MTPN: variants seen among roughly 807,000 people sequenced by gnomAD.
MTPN encodes myotrophin.
Under a neutral mutation model 13.5 loss-of-function variants are expected in MTPN, and 2 were observed. The observed-to-expected ratio is 0.15, with a 90% CI of 0.06 to 0.47. The LOEUF is 0.47. MTPN is among the 20% of genes least tolerant of loss of function. The pLI is 0.97. For synonymous variants in MTPN, 46 were observed against 51.7 expected (o/e 0.89, Z 0.48); for missense variants, 79 against 137.9 (o/e 0.57, Z 2.14).
rs56865854 is a variant in MTPN at position 135,933,098 on chromosome 7, C to CAAAAA, written c.271-3091_271-3087dup. Among the ~76,000 whole-genome samples the CAAAAA allele has an allele frequency of 2.4e-3, 151 of 63,024 alleles. 3 individuals are homozygous for CAAAAA. The highest frequency in any genetic ancestry group is 3.7e-3 in the African/African-American group (60 of 16,184). The allele number at this position is 63,024 out of a possible 152,430, so 41.3% of individuals were successfully genotyped here. On this transcript the variant is annotated intron_variant, in intron 3 of 3. Transcript: ENST00000393085. ...CAACTGAGCAAGACTCACTCAGCCT[C>CAAAAA]AAAAAAAAAAAAAAAAAAAAAAAAG...
chr7:135,941,842 T>C (rs1799214764), intron 3 of MTPN, among the ~76,000 whole-genome samples: 2 of 151,822 alleles, frequency 1.3e-5, no homozygotes, highest in African/African-American at 4.8e-5. Flanking sequence ...TTCAAATTAC[T>C]CCTCTTCAAG....
chr7:135,963,530 A>G (rs967812546), intron 1 of MTPN, among the ~76,000 whole-genome samples: 3 of 152,062 alleles, frequency 2.0e-5, no homozygotes, highest in Non-Finnish European at 2.9e-5. Flanking sequence ...TACAATACAG[A>G]AAAACAGACA....
intron 1 of MTPN, among the ~76,000 whole-genome samples, chr7:135,955,548 C>T (rs1018248786): frequency 6.6e-6 from 1 of 152,060 alleles, no homozygotes; most frequent in Non-Finnish European, 1.5e-5. Context: ...AAAATGGAAG[C>T]GATGGGATGT....
Position 135,927,538 on chromosome 7 carries a change from C to A in MTPN, c.*2388G>T. ...AAACTTACTTAACCTTTCGCTAATG[C>A]ATGTAGTACCAGAAAGCAAACATGG... On this transcript the variant is annotated 3_prime_UTR_variant, in exon 4 of 4. Transcript: ENST00000393085. 3.8e-6 allele frequency: 3 copies of A among 799,508 alleles called. No homozygotes were observed. The highest frequency in any genetic ancestry group is 6.2e-6 in the Non-Finnish European group (3 of 485,510). 49.5% of individuals were successfully genotyped at this position (799,508 alleles called of 1,614,324 possible). A position where few individuals can be genotyped will look rare whatever the true frequency, so the allele number is the denominator to read the frequency against.
intron 1 of MTPN, among the ~76,000 whole-genome samples, chr7:135,963,032 T>C (rs1445911210): frequency 6.6e-6 from 1 of 152,018 alleles, no homozygotes; most frequent in Non-Finnish European, 1.5e-5. Context: ...GTAGACTAAA[T>C]TAGCATATGT....
rs1355541584 is a variant in MTPN, at chr7:135,977,257, G to C, written c.-157C>G. On this transcript the variant is annotated 5_prime_UTR_variant, in exon 1 of 4. Transcript: ENST00000393085. ...GGCTGCCAGGCGGGCGAGGCAGTTG[G>C]CCGCGGCGACCGTTCGGGCGGGAGA... The C allele has an allele frequency of 1.4e-6, 1 of 727,882 alleles. No homozygotes were observed. The highest frequency in any genetic ancestry group is 2.3e-6 in the Non-Finnish European group (1 of 428,000). The allele number at this position is 727,882 out of a possible 1,614,324, so 45.1% of individuals were successfully genotyped here. A position where few individuals can be genotyped will look rare whatever the true frequency, so the allele number is the denominator to read the frequency against.
chr7:135,969,820 T>C (rs569150345), intron 1 of MTPN, among the ~76,000 whole-genome samples: 2 of 152,302 alleles, frequency 1.3e-5, no homozygotes, highest in East Asian at 1.9e-4. Flanking sequence ...CCCTAATTTA[T>C]AGAGTTTATA....
Position 135,977,183 on chromosome 7 carries a change from G to C in MTPN, c.-83C>G, listed in dbSNP as rs1415503486. The C allele has an allele frequency of 7.1e-7, 1 of 1,405,022 alleles. No homozygotes were observed. The highest frequency in any genetic ancestry group is 1.0e-6 in the Non-Finnish European group (1 of 994,252). 87.0% of individuals were successfully genotyped at this position (1,405,022 alleles called of 1,614,324 possible). Reference sequence around the variant, plus strand: ...CAAGCGGATGCCGCCGGGCGAGAGGGAGGCAGGGCCGCGCGAAGCCGGAGA... The same window carrying C: ...CAAGCGGATGCCGCCGGGCGAGAGGCAGGCAGGGCCGCGCGAAGCCGGAGA... On this transcript the variant is annotated 5_prime_UTR_variant, in exon 1 of 4. Coordinates refer to ENST00000393085, the MANE Select transcript of MTPN (RefSeq NM_145808.4).
intron 1 of MTPN, among the ~76,000 whole-genome samples, chr7:135,951,969 T>G (rs1478509831): frequency 6.6e-6 from 1 of 152,236 alleles, no homozygotes; most frequent in Non-Finnish European, 1.5e-5. Flanking sequence ...GCACTGAGAT[T>G]TTACACAGTT....
At chr7:135,961,397 T>G (rs2116393885) in intron 1 of MTPN, among the ~76,000 whole-genome samples, 1 of 152,106 alleles carries the variant, frequency 6.6e-6, no homozygotes, top group Admixed American at 6.6e-5. Flanking sequence ...AAAATCACAT[T>G]AACACCAAAA....
intron 1 of MTPN, 89 bp downstream of exon 1, chr7:135,976,940 C>G (rs1799783782): frequency 2.6e-6 from 2 of 778,940 alleles, no homozygotes; most frequent in Non-Finnish European, 4.5e-6. Flanking sequence ...CGCCCACCCC[C>G]ATCCCCGCAG....
intron 3 of MTPN, among the ~76,000 whole-genome samples, chr7:135,940,457 G>A (rs777602524): frequency 1.3e-5 from 2 of 152,112 alleles, no homozygotes; most frequent in Non-Finnish European, 2.9e-5. Context: ...ACAAAACACA[G>A]TGATTGTTAC....
chr7:135,929,233 A>C lies in MTPN; in HGVS notation c.*693T>G, dbSNP rs1482075490. On this transcript the variant is annotated 3_prime_UTR_variant, in exon 4 of 4. Coordinates refer to ENST00000393085, the MANE Select transcript of MTPN (RefSeq NM_145808.4). ...TTTCTCCTTTAGACTTCCAAAACTT[A>C]AGATTTTATAAATAAAACTAGTCAG... is the stretch of plus-strand genomic sequence containing the variant. 1 of 167,088 alleles carries C rather than the reference A, an allele frequency of 6.0e-6. No homozygotes were observed. The highest frequency in any genetic ancestry group is 2.4e-5 in the African/African-American group (1 of 41,458). The allele number at this position is 167,088 out of a possible 1,614,324, so 10.4% of individuals were successfully genotyped here.
Position 135,929,839 on chromosome 7 carries a change from C to G in MTPN, c.*87G>C. ...CTCTTAAAGTATTTAGCTGAAGAAGCTGGCAGATAGAGAGTGACAGACAGA... is the reference window on the plus strand; with the variant it reads ...CTCTTAAAGTATTTAGCTGAAGAAGGTGGCAGATAGAGAGTGACAGACAGA... On this transcript the variant is annotated 3_prime_UTR_variant, in exon 4 of 4. Coordinates refer to ENST00000393085, the MANE Select transcript of MTPN (RefSeq NM_145808.4). 4 of 1,272,792 alleles carry G rather than the reference C, an allele frequency of 3.1e-6. No homozygotes were observed. Among genetic ancestry groups the G allele is most frequent in the Non-Finnish European group, 4.6e-6 (4 of 872,070 alleles). The allele number at this position is 1,272,792 out of a possible 1,614,324, so 78.8% of individuals were successfully genotyped here. A position where few individuals can be genotyped will look rare whatever the true frequency, so the allele number is the denominator to read the frequency against.
At chr7:135,939,921 T>C (rs1390685965) in intron 3 of MTPN, among the ~76,000 whole-genome samples, 1 of 152,202 alleles carries the variant, frequency 6.6e-6, no homozygotes, top group Non-Finnish European at 1.5e-5. Flanking sequence ...ATCTGGGTCA[T>C]AGTAACAGAA....
chr7:135,945,094 A>T (rs940682877), intron 3 of MTPN, among the ~76,000 whole-genome samples: 14 of 152,220 alleles, frequency 9.2e-5, no homozygotes, highest in African/African-American at 3.4e-4. Flanking sequence ...AACATAGAAA[A>T]GGTATGGTAA....
intron 1 of MTPN, among the ~76,000 whole-genome samples, chr7:135,962,811 A>G (rs1799546001): frequency 6.6e-6 from 1 of 152,068 alleles, no homozygotes; most frequent in Non-Finnish European, 1.5e-5. Flanking sequence ...TAAACAGTAC[A>G]ATAAAATAGT....
rs1798976824 is a variant in MTPN at position 135,929,299 on chromosome 7, G to A, written c.*627C>T. The A allele has an allele frequency of 6.0e-6, 1 of 167,020 alleles. No homozygotes were observed. The highest frequency in any genetic ancestry group is 2.1e-4 in the South Asian group (1 of 4,828). 10.3% of individuals were successfully genotyped at this position (167,020 alleles called of 1,614,324 possible). On this transcript the variant is annotated 3_prime_UTR_variant, in exon 4 of 4. Coordinates refer to ENST00000393085, the MANE Select transcript of MTPN (RefSeq NM_145808.4). The stretch of plus-strand genomic sequence containing the variant: ...CATGAAATCCATGTGAAAGGGGAGA[G>A]AAAATCCAAAGTTCAGTCATCCAGC...
intron 2 of MTPN, 86 bp from the exon 3 acceptor site, chr7:135,950,768 T>C (rs973200404): frequency 1.9e-6 from 2 of 1,035,850 alleles, no homozygotes; most frequent in African/African-American, 3.2e-5. Context: ...TTTCTAGATT[T>C]ACCTATTTGC....
Sources: allele counts gnomAD v4.1 joint callset (sites outside exome capture counted in the v4.1 genomes callset), GRCh38; gene constraint gnomAD v4.1.1; transcripts MANE v1.5; gene names NCBI Gene and HGNC (gene_info 2026-07-23, HGNC 2026-07-21).